The following NAV3 variants were observed in gnomAD, a reference collection of about 807,000 sequenced individuals.
NAV3 encodes the protein pore membrane and/or filament interacting like protein 1.
A neutral mutation model predicts 244.7 loss-of-function variants in NAV3; 87 were observed. That is an observed-to-expected ratio of 0.36 (90% CI 0.30 to 0.42). The LOEUF (loss-of-function observed/expected upper bound fraction) is 0.42. NAV3 is among the 20% of genes least tolerant of loss of function. NAV3 has a pLI of 1.00. For synonymous variants in NAV3, 1,126 were observed against 1,042.2 expected (o/e 1.08, Z -1.55); for missense variants, 2,663 against 2,893.3 (o/e 0.92, Z 1.83).
intron 2 of NAV3, among the ~76,000 whole-genome samples, chr12:77,773,251 A>G (rs1399526879): frequency 2.7e-5 from 4 of 150,162 alleles, no homozygotes; most frequent in Admixed American, 2.7e-4. Flanking sequence ...TGGTTGGTCT[A>G]GTGATAATTG....
intron 1 of NAV3, among the ~76,000 whole-genome samples, chr12:77,915,327 A>T (rs1464508159): frequency 6.6e-6 from 1 of 152,070 alleles, no homozygotes; most frequent in Non-Finnish European, 1.5e-5. Flanking sequence ...TAAACCTAAC[A>T]TTTATATAAT....
At chr12:78,198,559 A>C (rs1474410065) in intron 35 of NAV3, 46 bp from the exon 36 acceptor site, 2 of 1,109,122 alleles carry the variant, frequency 1.8e-6, no homozygotes, top group Admixed American at 4.4e-5. Flanking sequence ...TGAATTAATC[A>C]CTTTTACCTC....
intron 2 of NAV3, among the ~76,000 whole-genome samples, chr12:77,693,870 CAT>C (rs1481821521): frequency 1.3e-5 from 2 of 152,050 alleles, no homozygotes; most frequent in Admixed American, 1.3e-4. Context: ...TAATGTTCTT[CAT>C]ATACAAAGAC....
At chr12:77,822,666 C>G (rs144793550) in intron 2 of NAV3, among the ~76,000 whole-genome samples, 1 of 152,210 alleles carries the variant, frequency 6.6e-6, no homozygotes, top group African/African-American at 2.4e-5. Flanking sequence ...GGATAATAAA[C>G]TTCATGCTCA....
intron 1 of NAV3, among the ~76,000 whole-genome samples, chr12:77,873,679 G>GTGTGTATATATATATATA (rs540390004): frequency 3.7e-5 from 4 of 107,304 alleles, no homozygotes; most frequent in Admixed American, 1.1e-4. Flanking sequence ...ATTTGTATGT[G>GTGTGTATATATATATATA]TATATATATA....
At chr12:77,721,758 A>G (rs776020779) in intron 2 of NAV3, among the ~76,000 whole-genome samples, 2 of 152,148 alleles carry the variant, frequency 1.3e-5, no homozygotes, top group African/African-American at 2.4e-5. Context: ...GAATGTAGCA[A>G]TTTACATGGC....
chr12:78,203,541 C>G (rs1415576171), intron 38 of NAV3, among the ~76,000 whole-genome samples: 1 of 152,054 alleles, frequency 6.6e-6, no homozygotes, highest in Non-Finnish European at 1.5e-5. Context: ...TTAGGTAAGT[C>G]CAACTTCTCC....
At chr12:77,677,267 G>A (rs547434962) in intron 2 of NAV3, among the ~76,000 whole-genome samples, 26 of 152,254 alleles carry the variant, frequency 1.7e-4, no homozygotes, top group African/African-American at 6.3e-4. Flanking sequence ...ATATGAAATG[G>A]TCTCAGTTTA....
chr12:77,941,598 G>C (rs920605467), intron 3 of NAV3, among the ~76,000 whole-genome samples: 3 of 152,168 alleles, frequency 2.0e-5, no homozygotes, highest in African/African-American at 7.2e-5. Context: ...TGTCAGTTTG[G>C]TGAGCAGTGA....
chr12:77,797,704 G>A (rs915238447), intron 2 of NAV3, among the ~76,000 whole-genome samples: 3 of 151,202 alleles, frequency 2.0e-5, no homozygotes, highest in African/African-American at 7.3e-5. Context: ...AGCCAGGGGT[G>A]GTGGTGCGTG....
At chr12:77,688,246 T>C (rs2065978007) in intron 2 of NAV3, among the ~76,000 whole-genome samples, 1 of 152,046 alleles carries the variant, frequency 6.6e-6, no homozygotes, top group South Asian at 2.1e-4. Flanking sequence ...CTTAATAAGA[T>C]AAAGAGATGG....
At chr12:77,874,703 T>G (rs1247705851) in intron 1 of NAV3, among the ~76,000 whole-genome samples, 1 of 152,172 alleles carries the variant, frequency 6.6e-6, no homozygotes, top group Non-Finnish European at 1.5e-5. Flanking sequence ...TATATTTTAA[T>G]TACCACTAGG....
At chr12:77,773,803 G>C (rs377057713) in intron 2 of NAV3, among the ~76,000 whole-genome samples, 1 of 152,008 alleles carries the variant, frequency 6.6e-6, no homozygotes, top group Non-Finnish European at 1.5e-5. Context: ...CCACTTAATT[G>C]TGTAATTACA....
chr12:77,945,366 T>A (rs1890240385), intron 3 of NAV3, among the ~76,000 whole-genome samples: 1 of 152,146 alleles, frequency 6.6e-6, no homozygotes, highest in Non-Finnish European at 1.5e-5. Context: ...TAAAAGGTTA[T>A]GATGGGGTGA....
At chr12:77,653,856 G>A (rs1872941110) in intron 2 of NAV3, among the ~76,000 whole-genome samples, 2 of 152,082 alleles carry the variant, frequency 1.3e-5, no homozygotes, top group South Asian at 4.2e-4. Context: ...TTTCATGTTT[G>A]AACATGTATA....
In NAV3 at chr12:77,697,267, C is replaced by T. The variant is rs541944995; in HGVS notation, c.72+125001C>T. On this transcript the variant is annotated intron_variant, in intron 2 of 8. Transcript: ENST00000550042. ...CCATGTAGTCATCCACCCCCCTCTT[C>T]CTTCTCTCTACAACTATCCTCAGGC... Among the ~76,000 whole-genome samples the T allele has an allele frequency of 5.8e-4, 89 of 152,282 alleles. 1 individual carries two copies. In the South Asian group the frequency reaches 0.018, roughly 31 times the overall value.
intron 5 of NAV3, among the ~76,000 whole-genome samples, chr12:77,974,780 T>A (rs541526962): frequency 1.3e-5 from 2 of 152,172 alleles, no homozygotes; most frequent in Non-Finnish European, 2.9e-5. Flanking sequence ...ATTGGAATGG[T>A]GTCAACTTTC....
At chr12:77,616,730 GCACACA>G (rs147977960) in intron 2 of NAV3, among the ~76,000 whole-genome samples, 12 of 148,038 alleles carry the variant, frequency 8.1e-5, no homozygotes, top group African/African-American at 2.5e-4. Context: ...ACACAGGCGC[GCACACA>G]CACACACACA....
At chr12:77,833,276 CT>C (rs1358749454) in intron 1 of NAV3, among the ~76,000 whole-genome samples, 1 of 152,162 alleles carries the variant, frequency 6.6e-6, no homozygotes, top group African/African-American at 2.4e-5. Context: ...CTGTACAATG[CT>C]TTATGCATGA....
Sources: gnomAD v4.1 joint callset for allele counts (sites outside exome capture counted in the v4.1 genomes callset) on GRCh38, gnomAD v4.1.1 for gene constraint, MANE v1.5 for transcripts, NCBI Gene and HGNC (gene_info 2026-07-23, HGNC 2026-07-21) for gene names.